The following TVP23A variants were observed in gnomAD, a reference collection of about 807,000 sequenced individuals.
TVP23A encodes trans-golgi network vesicle protein 23 homolog A, also known as Golgi apparatus membrane protein TVP23 homolog A.
In TVP23A, 21 loss-of-function variants were observed where a neutral mutation model predicts 31.7. That is an observed-to-expected ratio of 0.66 (90% CI 0.47 to 0.95). The LOEUF (loss-of-function observed/expected upper bound fraction) is 0.95, where lower values mean the gene tolerates loss of function less well. Ranked by LOEUF, TVP23A falls within the 40% of genes least tolerant of loss-of-function variation. The probability of loss-of-function intolerance (pLI) is 0.00; values close to 1 mark genes in which losing one functional copy is unlikely to be tolerated. For missense variants in TVP23A, 279 were observed against 255.6 expected (o/e 1.09, Z -0.62); for synonymous variants, 104 against 96.0 (o/e 1.08, Z -0.49).
intron 7 of TVP23A, 79 bp from the exon 8 acceptor site, chr16:10,769,180 C>G (rs1166556649): frequency 1.4e-6 from 2 of 1,403,666 alleles, no homozygotes; most frequent in African/African-American, 1.4e-5. Context: ...CAGACCCGAC[C>G]AGCTCCGGGA....
At chr16:10,773,928 G>T in intron 4 of TVP23A, 111 bp downstream of exon 4, 1 of 839,458 alleles carries the variant, frequency 1.2e-6, no homozygotes, top group Non-Finnish European at 1.9e-6. Flanking sequence ...GGCAATGGTG[G>T]CTTTTGTGTA....
chr16:10,757,557 C>T (rs1900641102), downstream of TVP23A, among the ~76,000 whole-genome samples: 1 of 152,150 alleles, frequency 6.6e-6, no homozygotes, highest in South Asian at 2.1e-4. The surrounding 1 kb of genome is among the most constrained non-coding windows in gnomAD (Gnocchi z 4.1). Flanking sequence ...ATGCCAGTAG[C>T]ACCCCCTACT....
chr16:10,811,360 C>T (rs1046037312), intron 2 of TVP23A, among the ~76,000 whole-genome samples: 1 of 152,066 alleles, frequency 6.6e-6, no homozygotes, highest in African/African-American at 2.4e-5. Flanking sequence ...CCTTGACCTC[C>T]CAGGCTCAAG....
At chr16:10,806,768 C>T (rs1896689775) in intron 2 of TVP23A, among the ~76,000 whole-genome samples, 1 of 152,156 alleles carries the variant, frequency 6.6e-6, no homozygotes, top group Admixed American at 6.5e-5. Context: ...TTCCAAAGTG[C>T]ATGGATTACA....
At chr16:10,774,203 T>C (rs2031835115) in intron 3 of TVP23A, 75 bp from the exon 4 acceptor site, 2 of 1,124,806 alleles carry the variant, frequency 1.8e-6, no homozygotes, top group Admixed American at 5.0e-5. Flanking sequence ...TAAACAAAAG[T>C]TCCTTGATTC....
chr16:10,807,358 C>T (rs911899063), intron 2 of TVP23A, among the ~76,000 whole-genome samples: 1 of 152,194 alleles, frequency 6.6e-6, no homozygotes, highest in Non-Finnish European at 1.5e-5. Flanking sequence ...TCCGGCTTCT[C>T]TTGGGTCAAT....
At chr16:10,772,581 G>A (rs1311546718) in intron 5 of TVP23A, among the ~76,000 whole-genome samples, 1 of 152,180 alleles carries the variant, frequency 6.6e-6, no homozygotes, top group African/African-American at 2.4e-5. Context: ...TGTTGGCCAG[G>A]CTGGTCTCAA....
chr16:10,765,327 TAAAAAAAAAA>T (rs533208449), downstream of TVP23A, among the ~76,000 whole-genome samples: 3 of 111,270 alleles, frequency 2.7e-5, no homozygotes, highest in African/African-American at 1.0e-4. The surrounding 1 kb of genome is among the most constrained non-coding windows in gnomAD (Gnocchi z 4.0). Context: ...CCTCATCTCT[TAAAAAAAAAA>T]AAAAAAAAAA....
rs921929617 is a variant in TVP23A at position 10,818,717 on chromosome 16, G to A, written c.-224C>T. ...GGCTGGGGAGGGGGCTCGGCTCGCC[G>A]GGGACGCGCCCAGGAGAGAAAGCGG... is the stretch of plus-strand genomic sequence containing the variant. On this transcript the variant is annotated 5_prime_UTR_variant, in exon 1 of 8. Transcript: ENST00000299866. This position sits in a 1 kb window ranked among gnomAD's most constrained non-coding sequence, Gnocchi z 4.7. 1.6e-5 allele frequency: 8 copies of A among 514,228 alleles called. No homozygotes were observed. The highest frequency in any genetic ancestry group is 1.4e-4 in the African/African-American group (7 of 48,950). The allele number at this position is 514,228 out of a possible 1,614,324, so 31.9% of individuals were successfully genotyped here. A position where few individuals can be genotyped will look rare whatever the true frequency, so the allele number is the denominator to read the frequency against.
downstream of TVP23A, among the ~76,000 whole-genome samples, chr16:10,758,976 G>A (rs1280950289): frequency 6.6e-6 from 1 of 152,112 alleles, no homozygotes; most frequent in Non-Finnish European, 1.5e-5. Flanking sequence ...CCATCTCAGG[G>A]GCCTGAGAAA....
intron 2 of TVP23A, among the ~76,000 whole-genome samples, chr16:10,778,932 C>A (rs1416165955): frequency 6.6e-6 from 1 of 152,206 alleles, no homozygotes; most frequent in East Asian, 1.9e-4. Context: ...CACCACTGCA[C>A]TACGGAGCAA....
Position 10,767,005 on chromosome 16 carries a change from G to A in TVP23A, c.*2097C>T, listed in dbSNP as rs567021035. ...ACCCCTCCCCACAGGCTTCTTCCCC[G>A]ACTTGGACTTCCCTGTCCCACAGGG... is the stretch of plus-strand genomic sequence containing the variant. On this transcript the variant is annotated 3_prime_UTR_variant, in exon 8 of 8. Transcript: ENST00000299866. The surrounding 1 kb of genome is among the most constrained non-coding windows in gnomAD (Gnocchi z 4.6). 17 of 398,666 alleles carry A rather than the reference G, an allele frequency of 4.3e-5. No homozygotes were observed. The highest frequency in any genetic ancestry group is 2.5e-4 in the South Asian group (2 of 7,848). The allele number at this position is 398,666 out of a possible 1,614,324, so 24.7% of individuals were successfully genotyped here. A position where few individuals can be genotyped will look rare whatever the true frequency, so the allele number is the denominator to read the frequency against.
chr16:10,766,775 G>A lies in TVP23A; in HGVS notation c.*2327C>T, dbSNP rs528396271. 1 of 397,026 alleles carries A rather than the reference G, an allele frequency of 2.5e-6. No individual in the cohort carries two copies. The highest frequency in any genetic ancestry group is 3.6e-5 in the East Asian group (1 of 28,054). The allele number at this position is 397,026 out of a possible 1,614,324, so 24.6% of individuals were successfully genotyped here. A position where few individuals can be genotyped will look rare whatever the true frequency, so the allele number is the denominator to read the frequency against. On this transcript the variant is annotated 3_prime_UTR_variant, in exon 8 of 8. Coordinates refer to ENST00000299866, the MANE Select transcript of TVP23A (RefSeq NM_001079512.4). This position sits in a 1 kb window ranked among gnomAD's most constrained non-coding sequence, Gnocchi z 4.8. The stretch of plus-strand genomic sequence containing the variant: ...AGGGGCTCAAAGGCCCCATTACAGA[G>A]TTTTTGTGTTTAAATACCCTCTACT...
intron 2 of TVP23A, among the ~76,000 whole-genome samples, chr16:10,791,283 G>C (rs2033089132): frequency 1.3e-5 from 2 of 152,186 alleles, no homozygotes; most frequent in African/African-American, 4.8e-5. Context: ...TAAGTAGGGT[G>C]TTGCTATTTC....
At chr16:10,808,618 A>G in intron 2 of TVP23A, 1 of 449,542 alleles carries the variant, frequency 2.2e-6, no homozygotes, top group South Asian at 1.6e-5. Flanking sequence ...TACAAAAAAT[A>G]AAAATAAAAT....
rs764774759 is a variant in TVP23A, at chr16:10,768,081, C to A, written c.*1021G>T. On this transcript the variant is annotated 3_prime_UTR_variant, in exon 8 of 8. Coordinates refer to ENST00000299866, the MANE Select transcript of TVP23A (RefSeq NM_001079512.4). This position sits in a 1 kb window ranked among gnomAD's most constrained non-coding sequence, Gnocchi z 4.3. The stretch of plus-strand genomic sequence containing the variant: ...ATGCAGATGCCTGTGGGGCAGGAAG[C>A]AACATAAAGGAGCCAGGGGTGTGGA... The A allele has an allele frequency of 6.4e-7, 1 of 1,572,282 alleles. No individual in the cohort carries two copies. The highest frequency in any genetic ancestry group is 8.7e-7 in the Non-Finnish European group (1 of 1,144,144).
At chr16:10,782,587 C>T (rs1567288870) in intron 2 of TVP23A, among the ~76,000 whole-genome samples, 1 of 152,070 alleles carries the variant, frequency 6.6e-6, no homozygotes, top group African/African-American at 2.4e-5. Context: ...ACTGCAGCCT[C>T]GACCTCCCAG....
rs144933462 is a variant in TVP23A, at chr16:10,781,850, C to CTTTT, written c.90-6758_90-6755dup. Among the ~76,000 whole-genome samples the CTTTT allele has an allele frequency of 4.1e-4, 37 of 90,948 alleles. 3 individuals are homozygous for CTTTT. In the East Asian group the frequency reaches 5.9e-3, roughly 14 times the overall value. 59.7% of individuals were successfully genotyped at this position (90,948 alleles called of 152,430 possible). A position where few individuals can be genotyped will look rare whatever the true frequency, so the allele number is the denominator to read the frequency against. On this transcript the variant is annotated intron_variant, in intron 2 of 7. Transcript: ENST00000299866. ...AGCCCTCCTTCACAACTAACACAAT[C>CTTTT]TTTTTTTTTTTTTTTTTTTTTTTTT...
At chr16:10,802,284 G>A (rs1010647536) in intron 2 of TVP23A, among the ~76,000 whole-genome samples, 124 of 91,860 alleles carry the variant, frequency 1.3e-3, no homozygotes, top group African/African-American at 7.1e-3. Context: ...GTGTGTGTGT[G>A]TATATGTGTG....
Sources: gnomAD v4.1 joint callset for allele counts (sites outside exome capture counted in the v4.1 genomes callset) on GRCh38, gnomAD v4.1.1 for gene constraint, Gnocchi (gnomAD v3.1) non-coding constraint, MANE v1.5 for transcripts, NCBI Gene and HGNC (gene_info 2026-07-23, HGNC 2026-07-21) for gene names.